Variants in AP1B1 observed in about 807,000 individuals in gnomAD.
The protein encoded by AP1B1 is AP-1 complex subunit beta-1.
In AP1B1, 36 loss-of-function variants were observed where a neutral mutation model predicts 104.3. That is an observed-to-expected ratio of 0.35 (90% CI 0.26 to 0.46). The LOEUF is 0.46. AP1B1 is among the 20% of genes least tolerant of loss of function. The pLI is 1.00. For missense variants in AP1B1, 901 were observed against 1,247.9 expected (o/e 0.72, Z 4.19); for synonymous variants, 504 against 517.5 (o/e 0.97, Z 0.35).
intron 7 of AP1B1, among the ~76,000 whole-genome samples, chr22:29,352,419 A>C (rs1283755049): frequency 6.6e-6 from 1 of 152,226 alleles, no homozygotes; most frequent in Non-Finnish European, 1.5e-5. Flanking sequence ...TGGGTGCCGA[A>C]GTCTCAAATA....
chr22:29,329,052 A>AG, intron 22 of AP1B1, 157 bp from the exon 23 acceptor site: 1 of 1,437,474 alleles, frequency 7.0e-7, no homozygotes, highest in Non-Finnish European at 9.1e-7. Flanking sequence ...GGTAAAGCGG[A>AG]GGGGGCGGCT....
intron 1 of AP1B1, among the ~76,000 whole-genome samples, chr22:29,382,148 C>T (rs143551741): frequency 6.2e-4 from 94 of 152,226 alleles, no homozygotes; most frequent in African/African-American, 2.2e-3. Flanking sequence ...CATCAAACTA[C>T]TGGGCTCAAG....
At chr22:29,366,967 G>T (rs903327953) in intron 2 of AP1B1, among the ~76,000 whole-genome samples, 1 of 151,628 alleles carries the variant, frequency 6.6e-6, no homozygotes, top group Non-Finnish European at 1.5e-5. Flanking sequence ...GAAATAAAAG[G>T]GCACTTTTTT....
At chr22:29,378,625 C>T (rs1407703041) in intron 1 of AP1B1, among the ~76,000 whole-genome samples, 3 of 149,114 alleles carry the variant, frequency 2.0e-5, no homozygotes, top group Admixed American at 6.7e-5. Context: ...TTTGGGAGGC[C>T]GAGGCGGGCG....
At position 29,330,670 on chromosome 22, in the gene AP1B1, T is replaced by C. The variant is rs2061544057; in HGVS notation, c.2564A>G (p.Asn855Ser). 1 of 1,613,770 alleles carries C rather than the reference T, an allele frequency of 6.2e-7. No individual in the cohort carries two copies. Among genetic ancestry groups the C allele is most frequent in the African/African-American group, 1.3e-5 (1 of 75,034 alleles). The change falls in exon 20 of 23, where the codon AAT becomes AGT. Residue 855 changes from asparagine to serine, a missense_variant. Physicochemically the swap from Asn to Ser is conservative, Grantham distance 46. Coordinates refer to ENST00000357586, the MANE Select transcript of AP1B1 (RefSeq NM_001127.4). ...GATCTGGAACTGGGCCTCATTCTCA[T>C]TGGGAATATCCTTCCATGTGGCCAG... Reference protein sequence around the residue: ...MFLATWKDIPNENEAQFQIRD... With the variant: ...MFLATWKDIPSENEAQFQIRD...
At chr22:29,350,293 C>G (rs1458396558) in intron 9 of AP1B1, 143 bp from the exon 10 acceptor site, 23 of 644,700 alleles carry the variant, frequency 3.6e-5, no homozygotes, top group Non-Finnish European at 6.4e-5. Flanking sequence ...GAACCCTCTC[C>G]CCAGGTAACA....
At chr22:29,351,439 T>C in intron 8 of AP1B1, 173 bp from the exon 9 acceptor site, 1 of 876,114 alleles carries the variant, frequency 1.1e-6, no homozygotes, top group South Asian at 1.6e-5. Context: ...AAAGAAGGCC[T>C]GGACAACCTT....
Position 29,351,512 on chromosome 22 carries a change from T to A in AP1B1, c.1059+193A>T. 3 of 869,620 alleles carry A rather than the reference T, an allele frequency of 3.4e-6. No individual in the cohort carries two copies. In the South Asian group the frequency reaches 5.4e-5, roughly 16 times the overall value. 53.9% of individuals were successfully genotyped at this position (869,620 alleles called of 1,614,324 possible). On this transcript the variant is annotated intron_variant, in intron 8 of 22. Transcript: ENST00000357586. ...TTGTAAGGGATGACAGGTGATAACA[T>A]GGAGAAACATTCTTTAGTAATAAAA... is the stretch of plus-strand genomic sequence containing the variant.
At chr22:29,360,178 C>T (rs1037052740) in intron 3 of AP1B1, among the ~76,000 whole-genome samples, 1 of 152,142 alleles carries the variant, frequency 6.6e-6, no homozygotes, top group South Asian at 2.1e-4. Context: ...CAGGAAAGTC[C>T]TTGATTCTTT....
At chr22:29,353,884 AG>A (rs2061914727) in intron 7 of AP1B1, among the ~76,000 whole-genome samples, 1 of 152,218 alleles carries the variant, frequency 6.6e-6, no homozygotes, top group South Asian at 2.1e-4. Context: ...AAAAGCTGTG[AG>A]GAGAACTCAA....
In AP1B1 at chr22:29,340,698, C is replaced by T. The variant is rs761399528; in HGVS notation, c.1956G>A (p.Gln652=). Residue 652 remains glutamine (Q), a synonymous_variant, in exon 14 of 23, where the codon CAG becomes CAA. Coordinates refer to ENST00000357586, the MANE Select transcript of AP1B1 (RefSeq NM_001127.4). ...SGPPLATSSV[Q]MGAVDLLGGG... ...CGCCAAGAAGGTCCACAGCTCCCATCTGCACCGAGGAGGTGGCCAGGGGTG... is the reference window on the plus strand; with the variant it reads ...CGCCAAGAAGGTCCACAGCTCCCATTTGCACCGAGGAGGTGGCCAGGGGTG... 2.7e-5 allele frequency: 42 copies of T among 1,583,432 alleles called. No homozygotes were observed. The East Asian group carries it at 8.9e-4, about 34-fold the overall frequency.
rs1336034944 is a variant in AP1B1, at chr22:29,351,791, A to G, written c.973T>C (p.Phe325Leu). Residue 325 changes from phenylalanine (F) to leucine (L), a missense_variant, in exon 8 of 23, where the codon TTC (phenylalanine) becomes CTC (leucine). Physicochemically the swap from Phe to Leu is conservative, Grantham distance 22 (BLOSUM62 0). This residue lies in a region of AP1B1 where 471 missense variants were observed against 696.7 expected (regional missense o/e 0.68). Coordinates refer to ENST00000357586, the MANE Select transcript of AP1B1 (RefSeq NM_001127.4). ...TAGATAGGGTCGTTGTACTTCACGA[A>G]GAACACCTTCATCTCATGCTTCAGG... ...EILKHEMKVF[F>L]VKYNDPIYVK... 6.2e-7 allele frequency: 1 copy of G among 1,614,118 alleles called. No individual in the cohort carries two copies. Among genetic ancestry groups the G allele is most frequent in the Non-Finnish European group, 8.5e-7 (1 of 1,180,048 alleles).
In AP1B1 at chr22:29,350,036, T is replaced by A. The variant is rs1179678745; in HGVS notation, c.1270A>T (p.Lys424Ter). The A allele has an allele frequency of 6.2e-7, 1 of 1,613,594 alleles. No individual in the cohort carries two copies. The highest frequency in any genetic ancestry group is 8.5e-7 in the Non-Finnish European group (1 of 1,179,542). The change falls in exon 10 of 23, where the codon AAG becomes TAG. Residue 424 changes from lysine (K) to a stop codon, truncating the protein, a stop_gained and splice_region_variant. Coordinates refer to ENST00000357586, the MANE Select transcript of AP1B1 (RefSeq NM_001127.4). LOFTEE classifies it high-confidence loss of function. ...CTCCCTAGGAGGGCGGGCACGCACTTGTTGGGGTACTTGCGGAAGATGTCC... is the reference window on the plus strand; with the variant it reads ...CTCCCTAGGAGGGCGGGCACGCACTAGTTGGGGTACTTGCGGAAGATGTCC... Reference protein sequence around the residue: ...IKDIFRKYPNKYESVIATLCE... With the variant: ...IKDIFRKYPN
At chr22:29,338,640 A>C (rs999583097) in intron 16 of AP1B1, among the ~76,000 whole-genome samples, 1 of 152,206 alleles carries the variant, frequency 6.6e-6, no homozygotes. Flanking sequence ...AGGGGTGCTG[A>C]GTCTGATGGC....
chr22:29,352,324 T>C (rs1602733799), intron 7 of AP1B1, among the ~76,000 whole-genome samples: 2 of 152,232 alleles, frequency 1.3e-5, no homozygotes, highest in South Asian at 4.1e-4. Flanking sequence ...ACCTAGACCA[T>C]TTGTACAAAG....
chr22:29,329,902 A>G lies in AP1B1; in HGVS notation c.2767-182T>C. 5 of 1,448,032 alleles carry G rather than the reference A, an allele frequency of 3.5e-6. No homozygotes were observed. The South Asian group carries it at 5.9e-5, about 17-fold the overall frequency. 89.7% of individuals were successfully genotyped at this position (1,448,032 alleles called of 1,614,324 possible). A position where few individuals can be genotyped will look rare whatever the true frequency, so the allele number is the denominator to read the frequency against. On this transcript the variant is annotated intron_variant, in intron 21 of 22. Transcript: ENST00000357586. Reference sequence around the variant, plus strand: ...ACTCAGGGGTGTGGGGGAGAAGCAGAGTTTGGGGCTGTCCGGGGCCCTGGA... The same window carrying G: ...ACTCAGGGGTGTGGGGGAGAAGCAGGGTTTGGGGCTGTCCGGGGCCCTGGA...
chr22:29,329,735 C>T lies in AP1B1; in HGVS notation c.2767-15G>A. 1 of 1,613,572 alleles carries T rather than the reference C, an allele frequency of 6.2e-7. No homozygotes were observed. The highest frequency in any genetic ancestry group is 1.7e-5 in the Admixed American group (1 of 59,966). ...ACCTCTAAGTCCTGCACCACGGGAA[C>T]CAGCAGGGAAGGTGACATGCAGCAA... On this transcript the variant is annotated splice_polypyrimidine_tract_variant and intron_variant, in intron 21 of 22. Transcript: ENST00000357586.
intron 1 of AP1B1, among the ~76,000 whole-genome samples, chr22:29,373,657 C>G (rs554105402): frequency 6.6e-6 from 1 of 152,314 alleles, no homozygotes; most frequent in South Asian, 2.1e-4. Context: ...AATCCCAGCA[C>G]TTTCGGAGGC....
rs755475534 is a variant in AP1B1 at position 29,331,920 on chromosome 22, G to T, written c.2310-4C>A. On this transcript the variant is annotated splice_region_variant and splice_polypyrimidine_tract_variant and intron_variant, in intron 17 of 22. Coordinates refer to ENST00000357586, the MANE Select transcript of AP1B1 (RefSeq NM_001127.4). ...GGCGGCGGGGGCCAGGCCAAAGCTGGGGAGAGAGAAGCCCCACAGGGATGG... is the reference window on the plus strand; with the variant it reads ...GGCGGCGGGGGCCAGGCCAAAGCTGTGGAGAGAGAAGCCCCACAGGGATGG... 1.9e-6 allele frequency: 3 copies of T among 1,607,510 alleles called. No individual in the cohort carries two copies. In the South Asian group the frequency reaches 3.3e-5, roughly 18 times the overall value.
Sources: gnomAD v4.1 joint callset for allele counts (sites outside exome capture counted in the v4.1 genomes callset) on GRCh38, gnomAD v4.1.1 for gene constraint, gnomAD v4.1.1 regional missense constraint, MANE v1.5 for transcripts, NCBI Gene and HGNC (gene_info 2026-07-23, HGNC 2026-07-21) for gene names.